PDE7B: variants seen among roughly 807,000 people sequenced by gnomAD.
The protein encoded by PDE7B is phosphodiesterase 7B.
Under a neutral mutation model 56.2 loss-of-function variants are expected in PDE7B, and 29 were observed. The ratio of observed to expected loss-of-function variants is 0.52; its 90% CI spans 0.38 to 0.70. PDE7B has a LOEUF of 0.70. Ranked by LOEUF, PDE7B falls within the 30% of genes least tolerant of loss-of-function variation. The pLI, the probability that PDE7B is intolerant of heterozygous loss-of-function variation, is 0.00. For missense variants in PDE7B, 490 were observed against 565.0 expected, an observed-to-expected ratio of 0.87 and a Z score of 1.35; for synonymous variants, 197 against 196.9, an observed-to-expected ratio of 1.00 and a Z score of 0.00.
chr6:136,063,521 C>T (rs938735216), intron 2 of PDE7B, among the ~76,000 whole-genome samples: 5 of 152,200 alleles, frequency 3.3e-5, no homozygotes, highest in African/African-American at 1.2e-4. Context: ...ACCTGTGTTC[C>T]CTGCTTTCAG....
At chr6:136,186,826 G>A (rs1238304603) in intron 11 of PDE7B, among the ~76,000 whole-genome samples, 1 of 152,158 alleles carries the variant, frequency 6.6e-6, no homozygotes, top group Admixed American at 6.5e-5. Context: ...CATTATGAAC[G>A]GTCATTGGCA....
intron 1 of PDE7B, among the ~76,000 whole-genome samples, chr6:135,906,530 T>A (rs1358383368): frequency 6.6e-6 from 1 of 152,138 alleles, no homozygotes; most frequent in Non-Finnish European, 1.5e-5. Context: ...GCCCACCCAA[T>A]CTCACCTACC....
chr6:136,032,600 T>C (rs531581066), intron 2 of PDE7B, among the ~76,000 whole-genome samples: 27 of 152,302 alleles, frequency 1.8e-4, no homozygotes, highest in Non-Finnish European at 2.6e-4. Flanking sequence ...CTGCCTTTGA[T>C]TTCCTTTACT....
At chr6:136,046,957 C>T (rs1379057157) in intron 2 of PDE7B, among the ~76,000 whole-genome samples, 1 of 152,084 alleles carries the variant, frequency 6.6e-6, no homozygotes, top group East Asian at 1.9e-4. Context: ...AATGATCTTC[C>T]ACGTATGCCT....
At chr6:136,141,427 CCTT>C (rs1268079036) in intron 3 of PDE7B, among the ~76,000 whole-genome samples, 1 of 152,102 alleles carries the variant, frequency 6.6e-6, no homozygotes, top group Non-Finnish European at 1.5e-5. Flanking sequence ...CTAAAATTCT[CCTT>C]TTTTGTTGTG....
intron 3 of PDE7B, among the ~76,000 whole-genome samples, chr6:136,135,895 C>A (rs1562501812): frequency 6.6e-6 from 1 of 152,098 alleles, no homozygotes; most frequent in Non-Finnish European, 1.5e-5. Context: ...AGCACCTCGT[C>A]AAAGTCCGTA....
intron 10 of PDE7B, among the ~76,000 whole-genome samples, chr6:136,180,348 A>T (rs527748335): frequency 8.7e-4 from 132 of 152,356 alleles, no homozygotes; most frequent in African/African-American, 3.0e-3. Context: ...TTGCATTTCG[A>T]AAGAAAGCCT....
intron 2 of PDE7B, among the ~76,000 whole-genome samples, chr6:135,987,462 A>G (rs1775401193): frequency 6.6e-6 from 1 of 152,168 alleles, no homozygotes; most frequent in East Asian, 1.9e-4. Flanking sequence ...AGATGCAAAC[A>G]CTGGCCTCGT....
intron 1 of PDE7B, among the ~76,000 whole-genome samples, chr6:135,912,132 G>T (rs992058728): frequency 6.6e-6 from 1 of 152,146 alleles, no homozygotes; most frequent in Non-Finnish European, 1.5e-5. Context: ...AAATGTCCAT[G>T]CATGCAACAC....
chr6:136,143,842 G>A (rs1391908470), intron 3 of PDE7B, among the ~76,000 whole-genome samples: 1 of 151,850 alleles, frequency 6.6e-6, no homozygotes, highest in East Asian at 1.9e-4. Flanking sequence ...TACACTACTT[G>A]GAAAACTAAA....
chr6:136,045,053 A>T (rs1776478813), intron 2 of PDE7B: 1 of 146,344 alleles, frequency 6.8e-6, no homozygotes, highest in Non-Finnish European at 1.5e-5. Flanking sequence ...CGAAAGTTTC[A>T]AGTTTTTTTT....
chr6:136,168,719 G>C (rs1424262770), intron 8 of PDE7B, among the ~76,000 whole-genome samples: 2 of 152,072 alleles, frequency 1.3e-5, no homozygotes, highest in African/African-American at 2.4e-5. Flanking sequence ...TGCAGATGAG[G>C]GTTGAGAGTG....
At chr6:135,997,880 T>C (rs1368948958) in intron 2 of PDE7B, among the ~76,000 whole-genome samples, 1 of 152,158 alleles carries the variant, frequency 6.6e-6, no homozygotes, top group African/African-American at 2.4e-5. Context: ...ATATGGTCAT[T>C]TTCTTTTTAA....
In PDE7B at chr6:136,194,150, AT is replaced by A. The variant is rs1322547137; in HGVS notation, c.*2311del. ...AGGGCTTTTGAACAGTCTATTTTTA[AT>A]GTATATGAGGTCAAATCAAGGAAGG... is the stretch of plus-strand genomic sequence containing the variant. On this transcript the variant is annotated 3_prime_UTR_variant, in exon 13 of 13. Coordinates refer to ENST00000308191, the MANE Select transcript of PDE7B (RefSeq NM_018945.4). 6.6e-6 allele frequency: 1 copy of A among 152,126 alleles called. No homozygotes were observed. Among genetic ancestry groups the A allele is most frequent in the African/African-American group, 2.4e-5 (1 of 41,418 alleles). The allele number at this position is 152,126 out of a possible 1,614,324, so 9.4% of individuals were successfully genotyped here.
intron 2 of PDE7B, chr6:136,044,413 A>G (rs992071207): frequency 5.9e-5 from 9 of 152,220 alleles, no homozygotes; most frequent in African/African-American, 2.2e-4. Flanking sequence ...AATTGCCATC[A>G]GATGCATGAA....
chr6:136,165,622 C>G (rs1261897081), intron 8 of PDE7B: 3 of 152,324 alleles, frequency 2.0e-5, no homozygotes, highest in African/African-American at 7.2e-5. Context: ...TGGTAGGGCA[C>G]TTGTCCTCCT....
At chr6:136,036,852 C>T (rs1031796044) in intron 2 of PDE7B, among the ~76,000 whole-genome samples, 2 of 152,240 alleles carry the variant, frequency 1.3e-5, no homozygotes, top group Non-Finnish European at 2.9e-5. Context: ...GGGCTATTCA[C>T]TTGAATGTGC....
chr6:136,093,598 T>C (rs1303655302), intron 2 of PDE7B, among the ~76,000 whole-genome samples: 2 of 152,188 alleles, frequency 1.3e-5, no homozygotes, highest in African/African-American at 4.8e-5. Context: ...ATATTTATGG[T>C]GGCTTAGTTC....
chr6:135,878,314 G>T (rs781050264), intron 1 of PDE7B, among the ~76,000 whole-genome samples: 5 of 151,686 alleles, frequency 3.3e-5, no homozygotes, highest in African/African-American at 4.9e-5. Context: ...TGGGAAAGAG[G>T]TCTGCTTACG....
Sources: gnomAD v4.1 joint callset for allele counts (sites outside exome capture counted in the v4.1 genomes callset) on GRCh38, gnomAD v4.1.1 for gene constraint, MANE v1.5 for transcripts, NCBI Gene and HGNC (gene_info 2026-07-23, HGNC 2026-07-21) for gene names.